Variants in BBS9 observed in about 807,000 individuals in gnomAD.
BBS9 encodes the protein Bardet-Biedl syndrome 9.
Under a neutral mutation model 117.7 loss-of-function variants are expected in BBS9, and 89 were observed. The ratio of observed to expected loss-of-function variants is 0.76; its 90% CI spans 0.64 to 0.90. BBS9 has a LOEUF of 0.90. BBS9 is among the 40% of genes least tolerant of loss of function. The probability of loss-of-function intolerance (pLI) is 0.00; values close to 1 mark genes in which losing one functional copy is unlikely to be tolerated. For synonymous variants in BBS9, 379 were observed against 370.9 expected (o/e 1.02, Z -0.25); for missense variants, 982 against 1,042.2 (o/e 0.94, Z 0.80).
intron 20 of BBS9, among the ~76,000 whole-genome samples, chr7:33,508,679 A>G (rs1008508795): frequency 6.6e-6 from 1 of 152,236 alleles, no homozygotes; most frequent in African/African-American, 2.4e-5. Context: ...AAAAATTTCA[A>G]GATGGTGACA....
intron 11 of BBS9, among the ~76,000 whole-genome samples, chr7:33,343,351 G>A (rs1223880021): frequency 6.6e-6 from 1 of 152,126 alleles, no homozygotes; most frequent in Non-Finnish European, 1.5e-5. Flanking sequence ...TAAGGGAAGT[G>A]TTTTATGTAT....
intron 9 of BBS9, among the ~76,000 whole-genome samples, chr7:33,288,967 G>A (rs1803456534): frequency 6.6e-6 from 1 of 152,194 alleles, no homozygotes; most frequent in Non-Finnish European, 1.5e-5. Flanking sequence ...TACAGCCTAA[G>A]TGAGTTGGTG....
chr7:33,526,118 G>A (rs538269552), intron 20 of BBS9, among the ~76,000 whole-genome samples: 122 of 151,538 alleles, frequency 8.1e-4, no homozygotes, highest in African/African-American at 1.0e-3. Flanking sequence ...TGAGAGATCC[G>A]CTGTTAGTCT....
At chr7:33,207,474 G>A (rs1029965276) in intron 5 of BBS9, among the ~76,000 whole-genome samples, 1 of 149,928 alleles carries the variant, frequency 6.7e-6, no homozygotes. Context: ...TGCTTAAATT[G>A]TCCCAGATTT....
chr7:33,596,530 A>G (rs1393718067), intron 21 of BBS9, among the ~76,000 whole-genome samples: 1 of 151,974 alleles, frequency 6.6e-6, no homozygotes, highest in Non-Finnish European at 1.5e-5. Context: ...GTCATGGAGG[A>G]TGGATCAGAG....
At chr7:33,394,686 G>A (rs994119908) in intron 19 of BBS9, among the ~76,000 whole-genome samples, 3 of 152,122 alleles carry the variant, frequency 2.0e-5, no homozygotes, top group Non-Finnish European at 4.4e-5. Context: ...TCAGTAGTTA[G>A]AAACCTAAAT....
chr7:33,230,665 C>A (rs1420755625), intron 5 of BBS9, among the ~76,000 whole-genome samples: 1 of 152,136 alleles, frequency 6.6e-6, no homozygotes, highest in African/African-American at 2.4e-5. Flanking sequence ...TAAGTGAGAA[C>A]TTGTGGTATT....
intron 21 of BBS9, among the ~76,000 whole-genome samples, chr7:33,611,493 T>A (rs1047823990): frequency 7.0e-6 from 1 of 142,766 alleles, no homozygotes; most frequent in Non-Finnish European, 1.5e-5. Flanking sequence ...TAATGTAATA[T>A]TATATATAAG....
chr7:33,150,632 A>G (rs1386144917), intron 2 of BBS9, among the ~76,000 whole-genome samples: 28 of 152,144 alleles, frequency 1.8e-4, no homozygotes, highest in Admixed American at 1.8e-3. Flanking sequence ...TATTAGGTGA[A>G]CTTATGGGCA....
chr7:33,363,739 T>C (rs902128062), intron 16 of BBS9, among the ~76,000 whole-genome samples: 7 of 151,818 alleles, frequency 4.6e-5, no homozygotes, highest in Admixed American at 4.6e-4. Context: ...CCTAGGTCGC[T>C]GAGACTGTAA....
At chr7:33,476,806 CTTG>C (rs1431791274) in intron 19 of BBS9, among the ~76,000 whole-genome samples, 1 of 152,096 alleles carries the variant, frequency 6.6e-6, no homozygotes, top group Non-Finnish European at 1.5e-5. Context: ...AGATTTCTAT[CTTG>C]TTAAGAGATG....
At chr7:33,292,239 T>C (rs1804204761) in intron 9 of BBS9, among the ~76,000 whole-genome samples, 5 of 142,850 alleles carry the variant, frequency 3.5e-5, no homozygotes, top group Middle Eastern at 3.6e-3. Context: ...TTTTTTTTTT[T>C]CCCCCTGAGA....
chr7:33,432,599 T>C (rs539883062), intron 19 of BBS9, among the ~76,000 whole-genome samples: 2 of 152,206 alleles, frequency 1.3e-5, no homozygotes, highest in African/African-American at 2.4e-5. Flanking sequence ...AAGACAACTT[T>C]ATCTCTTTGT....
intron 5 of BBS9, among the ~76,000 whole-genome samples, chr7:33,232,688 A>G (rs921277815): frequency 2.6e-4 from 40 of 152,162 alleles, no homozygotes; most frequent in Non-Finnish European, 5.3e-4. Flanking sequence ...TAACTTCCTC[A>G]TATGTGTGTA....
At chr7:33,577,538 G>C (rs762284213) in intron 21 of BBS9, among the ~76,000 whole-genome samples, 27 of 152,162 alleles carry the variant, frequency 1.8e-4, no homozygotes, top group Admixed American at 7.2e-4. Context: ...TTGACCCAGC[G>C]ATCCCATTAC....
chr7:33,349,155 A>T lies in BBS9; in HGVS notation c.1417A>T (p.Thr473Ser), dbSNP rs1268206050. Residue 473 changes from threonine to serine, a missense_variant, in exon 13 of 23, where the codon ACC becomes TCC. Thr to Ser is a moderately conservative substitution (Grantham distance 58, BLOSUM62 1). Coordinates refer to ENST00000242067, the MANE Select transcript of BBS9 (RefSeq NM_198428.3). ...ATTAGAATTGACTTGTGATCAGTTC[A>T]CCTTTGAATTTATGAGTAAGTTTTT... Reference protein sequence around the residue: ...PPLELTCDQFTFEFMTPDLTR... With the variant: ...PPLELTCDQFSFEFMTPDLTR... The T allele has an allele frequency of 1.2e-6, 2 of 1,612,428 alleles. No individual in the cohort carries two copies. The highest frequency in any genetic ancestry group is 1.7e-6 in the Non-Finnish European group (2 of 1,178,778).
intron 21 of BBS9, among the ~76,000 whole-genome samples, chr7:33,620,288 T>A (rs1865339743): frequency 6.6e-6 from 1 of 151,964 alleles, no homozygotes; most frequent in South Asian, 2.1e-4. Context: ...TGAAGAAATA[T>A]AAAATCTGAA....
intron 5 of BBS9, among the ~76,000 whole-genome samples, chr7:33,198,432 T>C (rs1365010553): frequency 2.6e-5 from 4 of 152,026 alleles, no homozygotes; most frequent in South Asian, 4.1e-4. Flanking sequence ...AAACTGTTTT[T>C]AACAATCTAT....
At chr7:33,585,753 A>G (rs530645596) in intron 21 of BBS9, among the ~76,000 whole-genome samples, 1 of 152,240 alleles carries the variant, frequency 6.6e-6, no homozygotes, top group African/African-American at 2.4e-5. Context: ...GTCTGGATCT[A>G]GTTGTCTGGA....
Sources: gnomAD v4.1 joint callset for allele counts (sites outside exome capture counted in the v4.1 genomes callset) on GRCh38, gnomAD v4.1.1 for gene constraint, MANE v1.5 for transcripts, NCBI Gene and HGNC (gene_info 2026-07-23, HGNC 2026-07-21) for gene names.